The following DCT variants were observed in gnomAD, a reference collection of about 807,000 sequenced individuals.
The protein encoded by DCT is dopachrome tautomerase.
Under a neutral mutation model 53.0 loss-of-function variants are expected in DCT, and 47 were observed. The ratio of observed to expected loss-of-function variants is 0.89; its 90% CI spans 0.70 to 1.13. DCT has a LOEUF of 1.13. Ranked by LOEUF, DCT falls within the 50% of genes most tolerant of loss-of-function variation. The pLI, the probability that DCT is intolerant of heterozygous loss-of-function variation, is 0.00. For missense variants in DCT, 669 were observed against 637.4 expected (o/e 1.05, Z -0.53); for synonymous variants, 244 against 237.0 (o/e 1.03, Z -0.27).
At chr13:94,547,982 A>T in the DCT span, among the ~76,000 whole-genome samples, 13,461 of 75,358 alleles carry the variant, frequency 0.18, 824 homozygotes, top group East Asian at 0.41. Flanking sequence ...AAAAAAAAAA[A>T]AAATATATAT....
chr13:94,547,984 A>AAATATATATATATAT, the DCT span, among the ~76,000 whole-genome samples: 8 of 65,822 alleles, frequency 1.2e-4, no homozygotes, highest in African/African-American at 9.0e-4. Flanking sequence ...AAAAAAAAAA[A>AAATATATATATATAT]ATATATATAT....
At position 94,436,815 on chromosome 13, in the gene DCT, T is replaced by A. The variant is rs922478001; in HGVS notation, c.*3083A>T. 7.2e-5 allele frequency: 11 copies of A among 152,222 alleles called. No homozygotes were observed. Among genetic ancestry groups the A allele is most frequent in the African/African-American group, 2.7e-4 (11 of 41,460 alleles). The allele number at this position is 152,222 out of a possible 1,614,324, so 9.4% of individuals were successfully genotyped here. A position where few individuals can be genotyped will look rare whatever the true frequency, so the allele number is the denominator to read the frequency against. On this transcript the variant is annotated 3_prime_UTR_variant, in exon 8 of 8. Coordinates refer to ENST00000377028, the MANE Select transcript of DCT (RefSeq NM_001922.5). ...GAAGCTCTGAATGAAACATTCTACT[T>A]TGAAATTAGTTTATTCATTCACTTA... is the stretch of plus-strand genomic sequence containing the variant.
chr13:94,457,744 A>C (rs1053831084), intron 6 of DCT, among the ~76,000 whole-genome samples: 2 of 152,234 alleles, frequency 1.3e-5, no homozygotes, highest in Non-Finnish European at 2.9e-5. Flanking sequence ...CAGAAGACAC[A>C]CAGACAGGGT....
chr13:94,511,716 C>T, the DCT span, among the ~76,000 whole-genome samples: 70 of 152,158 alleles, frequency 4.6e-4, no homozygotes, highest in African/African-American at 1.6e-3. Flanking sequence ...CTTCCCCAGC[C>T]ACCCCTTCTC....
At chr13:94,465,955 G>T (rs1160517598) in intron 3 of DCT, among the ~76,000 whole-genome samples, 156 bp from the exon 4 acceptor site, 3 of 124,226 alleles carry the variant, frequency 2.4e-5, no homozygotes, top group Non-Finnish European at 4.8e-5. Context: ...ACATAAATCA[G>T]TGTGTGTATA....
chr13:94,528,453 C>G, the DCT span, among the ~76,000 whole-genome samples: 6 of 152,130 alleles, frequency 3.9e-5, no homozygotes, highest in Non-Finnish European at 7.3e-5. Context: ...CGGCAGAAAC[C>G]CTGCAAGCCA....
chr13:94,515,491 G>A, the DCT span, among the ~76,000 whole-genome samples: 24 of 152,204 alleles, frequency 1.6e-4, no homozygotes, highest in African/African-American at 5.8e-4. Context: ...TTAAGGCTTA[G>A]CTAACTGAGT....
At chr13:94,452,716 A>C in intron 6 of DCT, 1 of 680,736 alleles carries the variant, frequency 1.5e-6, no homozygotes, top group South Asian at 1.7e-5. Flanking sequence ...AAATTAAAAT[A>C]ATACATTTCA....
chr13:94,448,232 G>A (rs968191386), intron 6 of DCT, among the ~76,000 whole-genome samples: 13 of 152,132 alleles, frequency 8.5e-5, no homozygotes, highest in South Asian at 4.1e-4. Flanking sequence ...GTGACAGAGC[G>A]AGATACTGTC....
In DCT at chr13:94,438,526, A is replaced by G; in HGVS notation, c.*1372T>C. 2.2e-6 allele frequency: 1 copy of G among 452,486 alleles called. No individual in the cohort carries two copies. The allele number at this position is 452,486 out of a possible 1,614,324, so 28.0% of individuals were successfully genotyped here. A position where few individuals can be genotyped will look rare whatever the true frequency, so the allele number is the denominator to read the frequency against. ...CAGCTCCAGGGACCTCTTAACACCC[A>G]TTCTTTACATTCATTCATTCCAGTA... On this transcript the variant is annotated 3_prime_UTR_variant, in exon 8 of 8. Transcript: ENST00000377028.
the DCT span, among the ~76,000 whole-genome samples, chr13:94,526,603 C>G: frequency 2.6e-5 from 4 of 152,188 alleles, no homozygotes; most frequent in African/African-American, 9.6e-5. Context: ...GCACCCTGGC[C>G]CAGGTAACAG....
intron 1 of DCT, among the ~76,000 whole-genome samples, chr13:94,472,677 G>A (rs912578845): frequency 1.4e-5 from 2 of 138,440 alleles, no homozygotes; most frequent in African/African-American, 5.5e-5. Context: ...CACCTCCCCG[G>A]TTCAAGCGAT....
chr13:94,519,499 G>A, the DCT span, among the ~76,000 whole-genome samples: 1 of 152,104 alleles, frequency 6.6e-6, no homozygotes, highest in Non-Finnish European at 1.5e-5. Flanking sequence ...AGAAATGACT[G>A]TATATCAAGA....
the DCT span, among the ~76,000 whole-genome samples, chr13:94,514,868 A>G: frequency 6.6e-6 from 1 of 152,142 alleles, no homozygotes; most frequent in Non-Finnish European, 1.5e-5. Flanking sequence ...AGGATGGAAA[A>G]AGTTAACTAG....
At chr13:94,516,778 C>A in the DCT span, among the ~76,000 whole-genome samples, 3 of 149,618 alleles carry the variant, frequency 2.0e-5, no homozygotes, top group African/African-American at 4.9e-5. Context: ...GAGTTCCCAC[C>A]ACCAAGAAGG....
At chr13:94,477,674 G>A (rs914942117) in intron 1 of DCT, among the ~76,000 whole-genome samples, 4 of 143,508 alleles carry the variant, frequency 2.8e-5, no homozygotes, top group South Asian at 4.5e-4. Flanking sequence ...AAAAAAAATC[G>A]AATGTCATTC....
chr13:94,513,957 A>G, the DCT span, among the ~76,000 whole-genome samples: 16 of 135,562 alleles, frequency 1.2e-4, no homozygotes, highest in Non-Finnish European at 2.3e-4. Context: ...ATTGCACTCC[A>G]GTCTGGGCAA....
chr13:94,520,809 G>C, the DCT span, among the ~76,000 whole-genome samples: 602 of 152,280 alleles, frequency 4.0e-3, 1 homozygote, highest in Non-Finnish European at 6.0e-3. Flanking sequence ...CTGGGACCAA[G>C]TTTATACCTT....
chr13:94,460,153 G>A lies in DCT; in HGVS notation c.1117C>T (p.His373Tyr), dbSNP rs1883687142. ...SQVMSLHNLV[H>Y]SFLNGTNALP... ...GCGTTTGTCCCGTTCAGGAAGGAAT[G>A]AACCAAATTATGAAGGCTCATCACT... The change falls in exon 6 of 8, where the codon CAT (histidine) becomes TAT (tyrosine). Residue 373 changes from histidine (H) to tyrosine (Y), a missense_variant. By Grantham distance (83) the His-to-Tyr change is moderately conservative (BLOSUM62 2). Transcript: ENST00000377028. The A allele has an allele frequency of 6.2e-7, 1 of 1,613,978 alleles. No individual in the cohort carries two copies. Among genetic ancestry groups the A allele is most frequent in the Non-Finnish European group, 8.5e-7 (1 of 1,179,970 alleles).
Sources: allele counts gnomAD v4.1 joint callset (sites outside exome capture counted in the v4.1 genomes callset), GRCh38; gene constraint gnomAD v4.1.1; transcripts MANE v1.5; gene names NCBI Gene and HGNC (gene_info 2026-07-23, HGNC 2026-07-21).